Variants in MAX observed in about 807,000 individuals in gnomAD.
MAX encodes the protein protein max.
MAX carries 3 observed loss-of-function variants against 22.3 expected under a neutral mutation model. That is an observed-to-expected ratio of 0.13 (90% confidence interval 0.06 to 0.35). The LOEUF (loss-of-function observed/expected upper bound fraction) is 0.35, where lower values mean the gene tolerates loss of function less well. Among genes scored for constraint, MAX ranks in the 10% least tolerant of loss-of-function variants. The probability of loss-of-function intolerance (pLI) is 1.00; values close to 1 mark genes in which losing one functional copy is unlikely to be tolerated. For synonymous variants in MAX, 72 were observed against 77.7 expected (o/e 0.93, Z 0.39); for missense variants, 119 against 209.4 (o/e 0.57, Z 2.66).
At chr14:65,019,320 C>T (rs1037140544) in intron 3 of MAX, among the ~76,000 whole-genome samples, 5 of 152,082 alleles carry the variant, frequency 3.3e-5, no homozygotes, top group Non-Finnish European at 7.4e-5. Context: ...AACCCTGTCT[C>T]TACTAAAAAT....
chr14:65,032,149 T>C lies in MAX; in HGVS notation c.172-25865A>G, dbSNP rs538720013. ...TTGGTGGCCTGTTTTGCAGTTTATC[T>C]GTTGCAGAAAAAGTATAGTTAATCT... On this transcript the variant is annotated intron_variant, in intron 3 of 3. Transcript: ENST00000341653. This position sits in a 1 kb window ranked among gnomAD's most constrained non-coding sequence, Gnocchi z 5.0. Among the ~76,000 whole-genome samples, 227 of 152,224 alleles carry C rather than the reference T, an allele frequency of 1.5e-3. No homozygotes were observed. The highest frequency in any genetic ancestry group is 0.014 in the Middle Eastern group (4 of 294).
rs1258743214 is a variant in MAX at position 65,062,881 on chromosome 14, C to T, written c.171+30827G>A. ...GTTTTCCAAGCTCCCTGGGGTAATT[C>T]GGTATGCTATGTCCCAGCCCTCCAC... On this transcript the variant is annotated intron_variant, in intron 3 of 3. Transcript: ENST00000341653. The surrounding 1 kb of genome is among the most constrained non-coding windows in gnomAD (Gnocchi z 4.3). Among the ~76,000 whole-genome samples, 4 of 152,310 alleles carry T rather than the reference C, an allele frequency of 2.6e-5. No individual in the cohort carries two copies. Among genetic ancestry groups the T allele is most frequent in the South Asian group, 2.1e-4 (1 of 4,832 alleles).
intron 2 of MAX, among the ~76,000 whole-genome samples, chr14:65,095,356 C>G (rs190905731): frequency 9.9e-4 from 151 of 152,312 alleles, no homozygotes; most frequent in African/African-American, 3.4e-3. Context: ...TGAATGTTTA[C>G]TGAACTATAG....
intron 3 of MAX, among the ~76,000 whole-genome samples, chr14:65,066,491 C>T (rs1293575982): frequency 6.6e-6 from 1 of 152,190 alleles, no homozygotes; most frequent in East Asian, 1.9e-4. Context: ...ATCATTAGCC[C>T]AGCTTAATGG....
rs375805859 is a variant in MAX, at chr14:65,067,937, C to T, written c.171+25771G>A. 2.4e-4 allele frequency among the ~76,000 whole-genome samples: 36 copies of T among 151,970 alleles called. No individual in the cohort carries two copies. The South Asian group carries it at 4.8e-3, about 20-fold the overall frequency. On this transcript the variant is annotated intron_variant, in intron 3 of 3. Transcript: ENST00000341653. Reference sequence around the variant, plus strand: ...CATGAGCCACCGTGCCCAGACCATGCGTAACAGTTTTTTGGAGGAAGGCCA... The same window carrying T: ...CATGAGCCACCGTGCCCAGACCATGTGTAACAGTTTTTTGGAGGAAGGCCA...
intron 3 of MAX, among the ~76,000 whole-genome samples, chr14:65,056,275 T>C (rs2062735153): frequency 1.3e-5 from 2 of 152,212 alleles, no homozygotes; most frequent in African/African-American, 2.4e-5. Flanking sequence ...TGATACTCCC[T>C]TATATAAATG....
At chr14:65,083,868 G>T in intron 3 of MAX, 1 of 1,239,874 alleles carries the variant, frequency 8.1e-7, no homozygotes, top group Non-Finnish European at 1.0e-6. Flanking sequence ...GGCTAAACTG[G>T]TGTACATTTC....
Position 65,028,255 on chromosome 14 carries a change from G to A in MAX, c.172-21971C>T, listed in dbSNP as rs1407685836. On this transcript the variant is annotated intron_variant, in intron 3 of 3. Coordinates refer to the MAX transcript ENST00000341653. The surrounding 1 kb of genome is among the most constrained non-coding windows in gnomAD (Gnocchi z 4.4). ...GGAGGTGCAGAGAGCCTTGTGGGCC[G>A]GGAGAGTGCAGTGCAATAAAATCGC... Among the ~76,000 whole-genome samples, 3 of 152,132 alleles carry A rather than the reference G, an allele frequency of 2.0e-5. No homozygotes were observed. The highest frequency in any genetic ancestry group is 6.5e-5 in the Admixed American group (1 of 15,272).
intron 2 of MAX, among the ~76,000 whole-genome samples, chr14:65,099,999 A>G (rs573105207): frequency 1.8e-4 from 28 of 152,342 alleles, no homozygotes; most frequent in African/African-American, 6.0e-4. Flanking sequence ...GGTATAACTG[A>G]GATGGCTTGC....
intron 3 of MAX, among the ~76,000 whole-genome samples, chr14:65,037,290 G>A (rs1411851641): frequency 6.7e-6 from 1 of 149,934 alleles, no homozygotes; most frequent in African/African-American, 2.5e-5. Context: ...TTTTAGTAGA[G>A]ATGGGGTTTT....
chr14:65,039,712 G>A (rs1216705666), intron 3 of MAX, among the ~76,000 whole-genome samples: 5 of 152,286 alleles, frequency 3.3e-5, no homozygotes, highest in Admixed American at 3.3e-4. Flanking sequence ...GGGTAACTTA[G>A]AAAGAAAAGA....
intron 3 of MAX, among the ~76,000 whole-genome samples, chr14:65,052,161 T>TATAAGGTA (rs2062630651): frequency 1.3e-5 from 2 of 152,192 alleles, no homozygotes; most frequent in African/African-American, 4.8e-5. Flanking sequence ...ATGATACAGT[T>TATAAGGTA]ACCTTATATG....
chr14:65,081,726 T>A (rs138176482), intron 3 of MAX, among the ~76,000 whole-genome samples: 1 of 152,282 alleles, frequency 6.6e-6, no homozygotes, highest in Non-Finnish European at 1.5e-5. Context: ...TGATAGTTTT[T>A]ATAATTAGCA....
At chr14:65,068,949 A>G (rs1009191094) in intron 3 of MAX, among the ~76,000 whole-genome samples, 1 of 152,186 alleles carries the variant, frequency 6.6e-6, no homozygotes, top group Non-Finnish European at 1.5e-5. Flanking sequence ...CTCAGCTACC[A>G]GACCAGGGCA....
intron 3 of MAX, among the ~76,000 whole-genome samples, chr14:65,055,490 TTTTG>T (rs1440362309): frequency 6.6e-6 from 1 of 152,172 alleles, no homozygotes; most frequent in Non-Finnish European, 1.5e-5. Context: ...AACCTTCCTT[TTTTG>T]TTTAAAAAAA....
At chr14:65,015,614 C>G in intron 3 of MAX, 1 of 1,613,950 alleles carries the variant, frequency 6.2e-7, no homozygotes, top group Non-Finnish European at 8.5e-7. Context: ...TCTCTCCTGT[C>G]TCTCTCCCAG....
chr14:65,053,807 G>T (rs2062668367), intron 3 of MAX, among the ~76,000 whole-genome samples: 1 of 152,124 alleles, frequency 6.6e-6, no homozygotes. Context: ...TCTCACCTTT[G>T]TTACCCACCC....
intron 2 of MAX, among the ~76,000 whole-genome samples, chr14:65,096,779 T>C (rs764857893): frequency 2.5e-4 from 38 of 152,182 alleles, no homozygotes; most frequent in African/African-American, 7.0e-4. Context: ...GTACTGAGAA[T>C]GATGTTCAGT....
chr14:65,063,649 C>T (rs558987360), intron 3 of MAX, among the ~76,000 whole-genome samples: 3 of 152,276 alleles, frequency 2.0e-5, no homozygotes, highest in South Asian at 4.1e-4. Context: ...ACTGCAGCCT[C>T]GACCTCCTGG....
Sources: gnomAD v4.1 joint callset for allele counts (sites outside exome capture counted in the v4.1 genomes callset) on GRCh38, gnomAD v4.1.1 for gene constraint, Gnocchi (gnomAD v3.1) non-coding constraint, MANE v1.5 for transcripts, NCBI Gene and HGNC (gene_info 2026-07-23, HGNC 2026-07-21) for gene names.